POU6F2: variants seen among roughly 807,000 people sequenced by gnomAD.
POU6F2 encodes the protein POU domain, class 6, transcription factor 2.
POU6F2 carries 31 observed loss-of-function variants against 71.3 expected under a neutral mutation model. The ratio of observed to expected loss-of-function variants is 0.43; its 90% CI spans 0.33 to 0.59. The LOEUF is 0.59. Among genes scored for constraint, POU6F2 ranks in the 20% least tolerant of loss-of-function variants. POU6F2 has a pLI of 0.04. For missense variants in POU6F2, 783 were observed against 856.8 expected (o/e 0.91, Z 1.07); for synonymous variants, 347 against 355.7 (o/e 0.98, Z 0.27).
intron 5 of POU6F2, among the ~76,000 whole-genome samples, chr7:39,342,156 A>G (rs1785932204): frequency 6.6e-6 from 1 of 151,040 alleles, no homozygotes; most frequent in South Asian, 2.1e-4. Context: ...GTGACTTGCT[A>G]CAAATTTTTT....
At chr7:39,363,374 T>C (rs1786431527) in intron 5 of POU6F2, among the ~76,000 whole-genome samples, 1 of 152,152 alleles carries the variant, frequency 6.6e-6, no homozygotes, top group Non-Finnish European at 1.5e-5. Flanking sequence ...GTGCACGTTT[T>C]GTTCTTAACA....
intron 1 of POU6F2, among the ~76,000 whole-genome samples, chr7:39,049,130 T>G (rs1790353704): frequency 6.6e-6 from 1 of 151,950 alleles, no homozygotes; most frequent in Non-Finnish European, 1.5e-5. Context: ...CCAATTTTGT[T>G]GATCTTTTTA....
In POU6F2 at chr7:39,193,846, T is replaced by C. The variant is rs573922288; in HGVS notation, c.278-10389T>C. ...TTGTGCCAAACAGGCAGTGAGTTAA[T>C]TTCTGTCTATTTATTTAGACAGTTT... On this transcript the variant is annotated intron_variant, in intron 2 of 9. Coordinates refer to ENST00000518318, the MANE Select transcript of POU6F2 (RefSeq NM_001370959.1). 1.4e-4 allele frequency among the ~76,000 whole-genome samples: 21 copies of C among 152,334 alleles called. No individual in the cohort carries two copies. The South Asian group carries it at 4.1e-3, about 30-fold the overall frequency.
At chr7:39,121,248 G>A (rs866948842) in intron 2 of POU6F2, among the ~76,000 whole-genome samples, 7 of 152,268 alleles carry the variant, frequency 4.6e-5, no homozygotes, top group Middle Eastern at 3.4e-3. Context: ...TAGAATCTCC[G>A]TTTCCTCATC....
chr7:39,024,440 G>A (rs927777268), intron 1 of POU6F2, among the ~76,000 whole-genome samples: 11 of 152,024 alleles, frequency 7.2e-5, no homozygotes, highest in Non-Finnish European at 1.5e-4. Flanking sequence ...ATACAATCAT[G>A]TCGTCTGCAA....
intron 1 of POU6F2, among the ~76,000 whole-genome samples, chr7:39,022,509 T>C (rs993356905): frequency 6.6e-6 from 1 of 152,120 alleles, no homozygotes; most frequent in African/African-American, 2.4e-5. Flanking sequence ...GACACTCCTA[T>C]GGGCACAGAA....
intron 2 of POU6F2, among the ~76,000 whole-genome samples, chr7:39,110,081 G>A (rs567962718): frequency 1.4e-4 from 21 of 152,138 alleles, no homozygotes; most frequent in Admixed American, 1.0e-3. Flanking sequence ...GACCATCCTG[G>A]CCAACACGGC....
chr7:39,030,859 C>CA (rs369599649), intron 1 of POU6F2, among the ~76,000 whole-genome samples: 1,595 of 149,848 alleles, frequency 0.011, 28 homozygotes, highest in African/African-American at 0.036. Flanking sequence ...CTGCCCCCCC[C>CA]AAAAAAAAAT....
intron 2 of POU6F2, among the ~76,000 whole-genome samples, chr7:39,202,191 A>G (rs774211850): frequency 6.6e-6 from 1 of 152,210 alleles, no homozygotes; most frequent in Non-Finnish European, 1.5e-5. Context: ...ACAAATGCAC[A>G]ATCTTGTTGA....
rs181373602 is a variant in POU6F2, at chr7:38,982,126, G to A, written c.105+4068G>A. 1.0e-3 allele frequency among the ~76,000 whole-genome samples: 158 copies of A among 152,068 alleles called. 1 individual carries two copies. Among genetic ancestry groups the A allele is most frequent in the South Asian group, 2.9e-3 (14 of 4,812 alleles). ...CCTCTGTCAATTTAGACTGATATTCGTGCCTTACATATAAAAATGAAACAC... is the reference window on the plus strand; with the variant it reads ...CCTCTGTCAATTTAGACTGATATTCATGCCTTACATATAAAAATGAAACAC... On this transcript the variant is annotated intron_variant, in intron 1 of 9. Transcript: ENST00000518318.
intron 2 of POU6F2, among the ~76,000 whole-genome samples, chr7:39,144,011 C>A (rs1792562284): frequency 6.6e-6 from 1 of 152,128 alleles, no homozygotes. Flanking sequence ...CACATCCCAT[C>A]AAAATAGGTC....
rs1240277149 is a variant in POU6F2, at chr7:38,985,344, A to G, written c.105+7286A>G. On this transcript the variant is annotated intron_variant, in intron 1 of 9. Coordinates refer to ENST00000518318, the MANE Select transcript of POU6F2 (RefSeq NM_001370959.1). The stretch of plus-strand genomic sequence containing the variant: ...GGCACAAATAAAACAAGAACATCAA[A>G]CTCATTTCACTTAGTGTCAGTCCTG... Among the ~76,000 whole-genome samples, 5 of 151,936 alleles carry G rather than the reference A, an allele frequency of 3.3e-5. No homozygotes were observed. In the East Asian group the frequency reaches 9.7e-4, roughly 29 times the overall value.
rs1404190412 is a variant in POU6F2 at position 39,207,403 on chromosome 7, G to A, written c.381G>A (p.Thr127=). The change falls in exon 4 of 10, where the codon ACG becomes ACA. Residue 127 remains threonine, a synonymous_variant. Coordinates refer to ENST00000518318, the MANE Select transcript of POU6F2 (RefSeq NM_001370959.1). ...PFPVGPQPLL[T]AQQLASAVAG... ...CTGTTTCCTTGCAGCCACTTCTGAC[G>A]GCACAGCAGTTAGCTTCTGCTGTGG... 6 of 1,613,670 alleles carry A rather than the reference G, an allele frequency of 3.7e-6. No individual in the cohort carries two copies. Among genetic ancestry groups the A allele is most frequent in the East Asian group, 4.5e-5 (2 of 44,886 alleles).
chr7:39,190,127 C>A (rs61175790), intron 2 of POU6F2, among the ~76,000 whole-genome samples: 1 of 151,556 alleles, frequency 6.6e-6, no homozygotes, highest in Non-Finnish European at 1.5e-5. Context: ...ATCTCCTGAG[C>A]TCAAGCGATC....
chr7:39,291,896 T>G (rs2128762315), intron 4 of POU6F2, among the ~76,000 whole-genome samples: 1 of 152,184 alleles, frequency 6.6e-6, no homozygotes, highest in South Asian at 2.1e-4. Flanking sequence ...CATAAAGAAT[T>G]ATAGCTCTGC....
chr7:39,450,054 C>A (rs1319789034), intron 7 of POU6F2, among the ~76,000 whole-genome samples: 3 of 152,118 alleles, frequency 2.0e-5, no homozygotes, highest in African/African-American at 7.2e-5. Flanking sequence ...ACACATTTGA[C>A]AAAACTCATC....
chr7:39,207,619 A>C lies in POU6F2; in HGVS notation c.597A>C (p.Gln199His). ...GIMTLPLQNLQATSSLNSQLQ... is the reference protein window; with the variant it reads ...GIMTLPLQNLHATSSLNSQLQ... ...TGACTCTGCCACTGCAAAATCTACA[A>C]GGTAATCCATAATGTCCATGCGCCA... Residue 199 changes from glutamine (Q) to histidine (H), a missense_variant and splice_region_variant, in exon 4 of 10, where the codon CAA becomes CAC. This residue lies in a region of POU6F2 where 572 missense variants were observed against 572.9 expected (regional missense o/e 1.00). Transcript: ENST00000518318. 1.9e-6 allele frequency: 3 copies of C among 1,613,116 alleles called. No homozygotes were observed. Among genetic ancestry groups the C allele is most frequent in the Non-Finnish European group, 2.5e-6 (3 of 1,179,324 alleles).
intron 1 of POU6F2, among the ~76,000 whole-genome samples, chr7:39,063,353 A>G (rs1790695120): frequency 6.6e-6 from 1 of 152,166 alleles, no homozygotes; most frequent in Non-Finnish European, 1.5e-5. Flanking sequence ...GGCTAAGAGG[A>G]AAGACAGCAG....
At chr7:39,214,398 C>T (rs528651873) in intron 4 of POU6F2, among the ~76,000 whole-genome samples, 2 of 152,292 alleles carry the variant, frequency 1.3e-5, no homozygotes, top group African/African-American at 4.8e-5. Context: ...TTCCCTAACA[C>T]TTAGGACCTT....
Sources: allele counts gnomAD v4.1 joint callset (sites outside exome capture counted in the v4.1 genomes callset), GRCh38; gene constraint gnomAD v4.1.1; regional missense constraint gnomAD v4.1.1; transcripts MANE v1.5; gene names NCBI Gene and HGNC (gene_info 2026-07-23, HGNC 2026-07-21).